Variants in STK31 observed in about 807,000 individuals in gnomAD.
STK31 encodes the protein serine/threonine-protein kinase 31.
A neutral mutation model predicts 129.7 loss-of-function variants in STK31; 89 were observed. That is an observed-to-expected ratio of 0.69 (90% CI 0.58 to 0.82). The LOEUF (loss-of-function observed/expected upper bound fraction) is 0.82. STK31 is among the 40% of genes least tolerant of loss of function. The pLI is 0.00. For missense variants in STK31, 1,187 were observed against 1,176.4 expected (o/e 1.01, Z -0.13); for synonymous variants, 448 against 395.3 (o/e 1.13, Z -1.58).
At chr7:23,762,505 T>C (rs1482451710) in intron 10 of STK31, among the ~76,000 whole-genome samples, 2 of 152,106 alleles carry the variant, frequency 1.3e-5, no homozygotes, top group Non-Finnish European at 1.5e-5. Flanking sequence ...AAAGAGGCCA[T>C]ATGTAATTAG....
chr7:23,763,454 A>G (rs180869196), intron 11 of STK31, among the ~76,000 whole-genome samples: 3 of 152,322 alleles, frequency 2.0e-5, no homozygotes, highest in Non-Finnish European at 1.5e-5. Context: ...TGACAGTGTT[A>G]AGTAATTTCA....
chr7:23,718,819 C>G (rs1173864083), intron 4 of STK31, among the ~76,000 whole-genome samples: 2 of 151,956 alleles, frequency 1.3e-5, no homozygotes, highest in Non-Finnish European at 2.9e-5. Flanking sequence ...TTATATAAGT[C>G]TTCTGCTGGA....
intron 8 of STK31, among the ~76,000 whole-genome samples, chr7:23,737,818 A>T (rs1209824027): frequency 6.6e-6 from 1 of 151,634 alleles, no homozygotes; most frequent in Admixed American, 6.6e-5. Context: ...CTCAGATTTT[A>T]GTTCAGAAAT....
At chr7:23,721,981 T>A (rs954410374) in intron 4 of STK31, 1 of 199,060 alleles carries the variant, frequency 5.0e-6, no homozygotes, top group African/African-American at 2.4e-5. Flanking sequence ...TCGTCTAATT[T>A]TTTTCAAGGT....
rs184839517 is a variant in STK31, at chr7:23,751,981, G to A, written c.1018-736G>A. 3.5e-3 allele frequency among the ~76,000 whole-genome samples: 533 copies of A among 151,960 alleles called. 8 individuals are homozygous for A. Among genetic ancestry groups the A allele is most frequent in the African/African-American group, 0.012 (486 of 41,440 alleles). The stretch of plus-strand genomic sequence containing the variant: ...CTGGGGGCTTGGGGGAGGGGGAGGG[G>A]AGATAGGGAGTAGTGTTTGAGAGAT... On this transcript the variant is annotated intron_variant, in intron 8 of 23. Coordinates refer to ENST00000355870, the MANE Select transcript of STK31 (RefSeq NM_031414.5).
Position 23,832,503 on chromosome 7 carries a change from T to TA in STK31, c.*138dup. 1.5e-6 allele frequency: 1 copy of TA among 672,220 alleles called. No individual in the cohort carries two copies. The allele number at this position is 672,220 out of a possible 1,614,324, so 41.6% of individuals were successfully genotyped here. On this transcript the variant is annotated 3_prime_UTR_variant, in exon 24 of 24. Coordinates refer to ENST00000355870, the MANE Select transcript of STK31 (RefSeq NM_031414.5). The stretch of plus-strand genomic sequence containing the variant: ...GTTGTGAAAAATAAAGATGTTTGGC[T>TA]ATGCACAAAATAGTTTGTATGCTTT...
Position 23,832,408 on chromosome 7 carries a change from T to TGTTC in STK31, c.*43_*44insTTCG, listed in dbSNP as rs1794615603. ...TTGCAGAGGTTCTTTTTAAAAACTT[T>TGTTC]GGTTTGGTTAATACACAGAAATATC... is the stretch of plus-strand genomic sequence containing the variant. On this transcript the variant is annotated 3_prime_UTR_variant, in exon 24 of 24. Coordinates refer to ENST00000355870, the MANE Select transcript of STK31 (RefSeq NM_031414.5). 3 of 1,462,484 alleles carry TGTTC rather than the reference T, an allele frequency of 2.1e-6. No homozygotes were observed. In the East Asian group the frequency reaches 6.8e-5, roughly 33 times the overall value. The allele number at this position is 1,462,484 out of a possible 1,614,324, so 90.6% of individuals were successfully genotyped here.
chr7:23,790,680 C>A, intron 21 of STK31, 144 bp from the exon 22 acceptor site: 2 of 798,496 alleles, frequency 2.5e-6, no homozygotes, highest in Non-Finnish European at 3.6e-6. Context: ...TTTATAATAG[C>A]AGAAATTGGT....
intron 8 of STK31, among the ~76,000 whole-genome samples, chr7:23,737,372 T>A (rs1187293874): frequency 6.6e-6 from 1 of 152,228 alleles, no homozygotes; most frequent in Non-Finnish European, 1.5e-5. Flanking sequence ...ACTTGAATAA[T>A]TAATTCTCAT....
chr7:23,757,677 G>T (rs1789181679), intron 10 of STK31, among the ~76,000 whole-genome samples: 1 of 151,910 alleles, frequency 6.6e-6, no homozygotes, highest in Non-Finnish European at 1.5e-5. Flanking sequence ...GCCCAGGGAT[G>T]AGCAGGAGAC....
chr7:23,742,163 A>AG (rs1348915774), intron 8 of STK31, among the ~76,000 whole-genome samples: 1 of 152,232 alleles, frequency 6.6e-6, no homozygotes, highest in Non-Finnish European at 1.5e-5. Context: ...ACTCAGGCCA[A>AG]GGGCAGGACT....
intron 22 of STK31, among the ~76,000 whole-genome samples, chr7:23,808,970 T>TGTGTGTGTGTGTGTGTGTGCGTGTGC: frequency 7.2e-6 from 1 of 139,556 alleles, no homozygotes; most frequent in South Asian, 2.5e-4. Context: ...TGTGTGTGTG[T>TGTGTGTGTGTGTGTGTGTGCGTGTGC]GCCTGTGTCT....
At chr7:23,830,643 G>A (rs1050397533) in intron 23 of STK31, among the ~76,000 whole-genome samples, 80 of 138,894 alleles carry the variant, frequency 5.8e-4, no homozygotes, top group African/African-American at 2.2e-3. Context: ...TTTTGAGCTG[G>A]GGGTCTCACT....
At chr7:23,792,615 T>A (rs1300743542) in intron 22 of STK31, among the ~76,000 whole-genome samples, 1 of 152,210 alleles carries the variant, frequency 6.6e-6, no homozygotes, top group Non-Finnish European at 1.5e-5. Context: ...AATTAGATTT[T>A]ACAATTAATA....
chr7:23,727,431 T>A, intron 5 of STK31, 116 bp downstream of exon 5: 1 of 784,264 alleles, frequency 1.3e-6, no homozygotes, highest in Non-Finnish European at 2.1e-6. Context: ...CCTGGTTCAG[T>A]GATTAAAACA....
intron 7 of STK31, among the ~76,000 whole-genome samples, chr7:23,736,353 ATACTT>A (rs1787717214): frequency 6.6e-6 from 1 of 152,056 alleles, no homozygotes; most frequent in Admixed American, 6.6e-5. Context: ...ATTATTCCGA[ATACTT>A]TACTTTTTAG....
At chr7:23,789,347 G>A (rs1160883607) in intron 21 of STK31, among the ~76,000 whole-genome samples, 5 of 152,024 alleles carry the variant, frequency 3.3e-5, no homozygotes, top group Admixed American at 3.3e-4. Context: ...TTTTTGAGGA[G>A]CCAAACTGTT....
chr7:23,723,072 C>G (rs543062310), intron 4 of STK31: 4 of 152,364 alleles, frequency 2.6e-5, no homozygotes, highest in African/African-American at 9.6e-5. Context: ...TGGGCTGCAC[C>G]CACTGTCTGA....
At chr7:23,754,648 C>T (rs1276160249) in intron 10 of STK31, among the ~76,000 whole-genome samples, 174 bp downstream of exon 10, 1 of 152,122 alleles carries the variant, frequency 6.6e-6, no homozygotes, top group Non-Finnish European at 1.5e-5. Context: ...TTCCCTCCCT[C>T]ACCCCCCCAT....
Sources: allele counts gnomAD v4.1 joint callset (sites outside exome capture counted in the v4.1 genomes callset), GRCh38; gene constraint gnomAD v4.1.1; transcripts MANE v1.5; gene names NCBI Gene and HGNC (gene_info 2026-07-23, HGNC 2026-07-21).